The following AGAP1 variants were observed in gnomAD, a reference collection of about 807,000 sequenced individuals.
The protein encoded by AGAP1 is ArfGAP with GTPase domain, ankyrin repeat and PH domain 1, also known as arf-GAP with GTPase, ANK repeat and PH domain-containing protein 1.
Under a neutral mutation model 105.3 loss-of-function variants are expected in AGAP1, and 29 were observed. The observed-to-expected ratio is 0.28, with a 90% CI of 0.21 to 0.38. The LOEUF is 0.38. AGAP1 is among the 10% of genes least tolerant of loss of function. AGAP1 has a pLI of 1.00. For synonymous variants in AGAP1, 509 were observed against 485.9 expected (o/e 1.05, Z -0.63); for missense variants, 998 against 1,165.1 (o/e 0.86, Z 2.09).
intron 9 of AGAP1, among the ~76,000 whole-genome samples, chr2:235,849,212 T>C (rs1321763948): frequency 1.3e-5 from 2 of 152,206 alleles, no homozygotes; most frequent in African/African-American, 4.8e-5. Context: ...CAGTGAATAC[T>C]AAAGACCGCC....
At chr2:235,849,762 A>G (rs528853898) in intron 9 of AGAP1, among the ~76,000 whole-genome samples, 73 of 152,194 alleles carry the variant, frequency 4.8e-4, no homozygotes, top group Admixed American at 1.3e-3. Context: ...CTTCTCCAGG[A>G]CAGATGGCCT....
chr2:235,858,792 C>T (rs2048792636), intron 9 of AGAP1, among the ~76,000 whole-genome samples: 1 of 152,118 alleles, frequency 6.6e-6, no homozygotes, highest in South Asian at 2.1e-4. Context: ...TATTTTAATG[C>T]CAGCAGTAAC....
At chr2:235,767,777 C>CTTTTTTTTTTTT (rs71414307) in intron 6 of AGAP1, among the ~76,000 whole-genome samples, 10 of 62,042 alleles carry the variant, frequency 1.6e-4, no homozygotes, top group Non-Finnish European at 2.3e-4. Context: ...AGTTTCTTGT[C>CTTTTTTTTTTTT]TTTTTTTTTT....
chr2:236,073,463 A>T lies in AGAP1; in HGVS notation c.2114+24182A>T, dbSNP rs952291723. On this transcript the variant is annotated intron_variant, in intron 16 of 17. Coordinates refer to ENST00000304032, the MANE Select transcript of AGAP1 (RefSeq NM_001037131.3). This position sits in a 1 kb window ranked among gnomAD's most constrained non-coding sequence, Gnocchi z 5.4. The stretch of plus-strand genomic sequence containing the variant: ...GGACAGGAGTTACATTTGCCCTATC[A>T]GCTTGCAAAACATGCTGCAAAACAG... Among the ~76,000 whole-genome samples, 2 of 152,168 alleles carry T rather than the reference A, an allele frequency of 1.3e-5. No individual in the cohort carries two copies. The highest frequency in any genetic ancestry group is 2.9e-5 in the Non-Finnish European group (2 of 68,036).
intron 6 of AGAP1, among the ~76,000 whole-genome samples, chr2:235,794,133 T>C (rs915367726): frequency 2.4e-4 from 37 of 152,162 alleles, no homozygotes; most frequent in African/African-American, 8.7e-4. Flanking sequence ...TCTGACCCCA[T>C]GGTGAGGCCA....
intron 6 of AGAP1, among the ~76,000 whole-genome samples, chr2:235,796,209 C>T (rs1957235664): frequency 6.6e-6 from 1 of 152,206 alleles, no homozygotes; most frequent in Non-Finnish European, 1.5e-5. Flanking sequence ...AGCACTCACC[C>T]AGGCAATTAT....
At position 235,876,009 on chromosome 2, in the gene AGAP1, A is replaced by G. The variant is rs111626002; in HGVS notation, c.1051-7336A>G. Among the ~76,000 whole-genome samples the G allele has an allele frequency of 5.3e-5, 8 of 152,330 alleles. No individual in the cohort carries two copies. In the South Asian group the frequency reaches 1.0e-3, roughly 20 times the overall value. On this transcript the variant is annotated intron_variant, in intron 9 of 17. Transcript: ENST00000304032. ...AATTTCCTCAAAAAGTAGTTGTTCT[A>G]TGTCAGACCCATGACCAAGATCTCC...
chr2:235,585,156 G>A (rs1359432519), intron 1 of AGAP1, among the ~76,000 whole-genome samples: 2 of 152,032 alleles, frequency 1.3e-5, no homozygotes, highest in Non-Finnish European at 2.9e-5. Flanking sequence ...CACACTAAGT[G>A]GCTTAAAACA....
In AGAP1 at chr2:235,960,526, C is replaced by T. The variant is rs576248968; in HGVS notation, c.1484-7936C>T. ...GCTCGGTCCAGTGCAGGTGGGCGTGCGGACTCTTCCGTACCTCACTTCTCC... is the reference window on the plus strand; with the variant it reads ...GCTCGGTCCAGTGCAGGTGGGCGTGTGGACTCTTCCGTACCTCACTTCTCC... On this transcript the variant is annotated intron_variant, in intron 12 of 17. Transcript: ENST00000304032. This position sits in a 1 kb window ranked among gnomAD's most constrained non-coding sequence, Gnocchi z 4.9. Among the ~76,000 whole-genome samples, 52 of 152,224 alleles carry T rather than the reference C, an allele frequency of 3.4e-4. No individual in the cohort carries two copies. Among genetic ancestry groups the T allele is most frequent in the Non-Finnish European group, 6.2e-4 (42 of 67,996 alleles).
Position 235,728,905 on chromosome 2 carries a change from G to C in AGAP1, c.310+11261G>C, listed in dbSNP as rs57956154. On this transcript the variant is annotated intron_variant, in intron 3 of 17. Transcript: ENST00000304032. This position sits in a 1 kb window ranked among gnomAD's most constrained non-coding sequence, Gnocchi z 4.3. Reference sequence around the variant, plus strand: ...GTTTGGAGCCTGGACGAGAGCAGGGGTTGTGGAGGAATGGTCAAAACCCAG... The same window carrying C: ...GTTTGGAGCCTGGACGAGAGCAGGGCTTGTGGAGGAATGGTCAAAACCCAG... Among the ~76,000 whole-genome samples, 117 of 152,274 alleles carry C rather than the reference G, an allele frequency of 7.7e-4. No homozygotes were observed. Among genetic ancestry groups the C allele is most frequent in the African/African-American group, 2.7e-3 (112 of 41,542 alleles).
At position 236,000,566 on chromosome 2, in the gene AGAP1, T is replaced by A. The variant is rs2056075494; in HGVS notation, c.1645+31943T>A. 6.6e-6 allele frequency among the ~76,000 whole-genome samples: 1 copy of A among 152,146 alleles called. No homozygotes were observed. The highest frequency in any genetic ancestry group is 2.1e-4 in the South Asian group (1 of 4,826). On this transcript the variant is annotated intron_variant, in intron 13 of 17. Coordinates refer to ENST00000304032, the MANE Select transcript of AGAP1 (RefSeq NM_001037131.3). This position sits in a 1 kb window ranked among gnomAD's most constrained non-coding sequence, Gnocchi z 4.3. ...TGTTCCTAGAAGGCCATGGCGCACC[T>A]GCTCTGTGCAGAGGCTGGGCGAACA...
chr2:236,021,429 A>G (rs1351704002), intron 13 of AGAP1, among the ~76,000 whole-genome samples: 1 of 152,124 alleles, frequency 6.6e-6, no homozygotes, highest in African/African-American at 2.4e-5. Context: ...GGACTCTTGC[A>G]GAGGAACCCG....
intron 1 of AGAP1, among the ~76,000 whole-genome samples, chr2:235,571,709 A>T (rs950731988): frequency 6.6e-6 from 1 of 152,066 alleles, no homozygotes; most frequent in African/African-American, 2.4e-5. Flanking sequence ...GAAAGGGAAG[A>T]GGCAGACGCT....
chr2:236,011,755 G>A (rs577188706), intron 13 of AGAP1, among the ~76,000 whole-genome samples: 6 of 152,172 alleles, frequency 3.9e-5, no homozygotes, highest in South Asian at 2.1e-4. Context: ...ATAAAGACCC[G>A]GAAAGTTTTA....
chr2:235,937,951 C>T (rs745503061), intron 12 of AGAP1, among the ~76,000 whole-genome samples: 14 of 152,234 alleles, frequency 9.2e-5, no homozygotes, highest in Non-Finnish European at 1.5e-4. Context: ...GCGGTTGCTG[C>T]GTTGCACAGT....
intron 1 of AGAP1, among the ~76,000 whole-genome samples, chr2:235,581,173 G>C (rs986891563): frequency 6.6e-5 from 10 of 151,236 alleles, no homozygotes; most frequent in African/African-American, 2.2e-4. Context: ...CGGGCATGGT[G>C]GTAGGTGCCT....
chr2:235,944,002 G>A (rs192505511), intron 12 of AGAP1, among the ~76,000 whole-genome samples: 2 of 152,042 alleles, frequency 1.3e-5, no homozygotes, highest in African/African-American at 4.8e-5. Flanking sequence ...AGAAGCAGAT[G>A]GTTATTTTTA....
At chr2:235,570,769 G>A (rs1216219876) in intron 1 of AGAP1, among the ~76,000 whole-genome samples, 2 of 152,204 alleles carry the variant, frequency 1.3e-5, no homozygotes, top group African/African-American at 4.8e-5. Context: ...GGAGATAATG[G>A]CAAACATCTG....
chr2:235,717,796 C>T (rs752580085), intron 3 of AGAP1, 152 bp downstream of exon 3: 7 of 674,174 alleles, frequency 1.0e-5, no homozygotes, highest in East Asian at 3.1e-5. Flanking sequence ...GTGGTTTCTT[C>T]TGTAGTATTT....
Sources: allele counts gnomAD v4.1 joint callset (sites outside exome capture counted in the v4.1 genomes callset), GRCh38; gene constraint gnomAD v4.1.1; non-coding constraint Gnocchi (gnomAD v3.1); transcripts MANE v1.5; gene names NCBI Gene and HGNC (gene_info 2026-07-23, HGNC 2026-07-21).